HVCN1: variants seen among roughly 807,000 people sequenced by gnomAD.
HVCN1 encodes the protein hydrogen voltage gated channel 1, also known as voltage-gated hydrogen channel 1.
In HVCN1, 14 loss-of-function variants were observed where a neutral mutation model predicts 29.2. The ratio of observed to expected loss-of-function variants is 0.48; its 90% CI spans 0.32 to 0.75. HVCN1 has a LOEUF of 0.75. Ranked by LOEUF, HVCN1 falls within the 30% of genes least tolerant of loss-of-function variation. The pLI is 0.04. For missense variants in HVCN1, 263 were observed against 341.8 expected (o/e 0.77, Z 1.82); for synonymous variants, 131 against 133.2 (o/e 0.98, Z 0.11).
At chr12:110,685,945 G>A (rs563334676) in intron 2 of HVCN1, among the ~76,000 whole-genome samples, 2 of 151,796 alleles carry the variant, frequency 1.3e-5, no homozygotes, top group East Asian at 3.9e-4. Context: ...GCCTCCCATG[G>A]TGTTAGTATA....
chr12:110,668,726 G>A (rs2068458192), intron 3 of HVCN1, among the ~76,000 whole-genome samples: 1 of 152,110 alleles, frequency 6.6e-6, no homozygotes, highest in South Asian at 2.1e-4. Flanking sequence ...CACCCCCACA[G>A]CTCCATCTCC....
chr12:110,659,229 TA>T (rs1372842461), intron 4 of HVCN1, among the ~76,000 whole-genome samples: 1 of 150,440 alleles, frequency 6.6e-6, no homozygotes, highest in Non-Finnish European at 1.5e-5. Context: ...TACCCTGGAG[TA>T]AAGTCAGCAA....
chr12:110,649,242 C>A lies in HVCN1; in HGVS notation c.*168G>T. On this transcript the variant is annotated 3_prime_UTR_variant, in exon 8 of 8. Transcript: ENST00000242607. ...AGTGGATGGGCAGCTCTTGGTGGTACTGGACCTTCCACAAGGCTGTGTCCA... is the reference window on the plus strand; with the variant it reads ...AGTGGATGGGCAGCTCTTGGTGGTAATGGACCTTCCACAAGGCTGTGTCCA... 1.5e-6 allele frequency: 1 copy of A among 676,406 alleles called. No individual in the cohort carries two copies. Among genetic ancestry groups the A allele is most frequent in the Admixed American group, 2.2e-5 (1 of 44,518 alleles). The allele number at this position is 676,406 out of a possible 1,614,324, so 41.9% of individuals were successfully genotyped here. A position where few individuals can be genotyped will look rare whatever the true frequency, so the allele number is the denominator to read the frequency against.
In HVCN1 at chr12:110,648,937, A is replaced by C. The variant is rs2067629665; in HGVS notation, c.*473T>G. On this transcript the variant is annotated 3_prime_UTR_variant, in exon 8 of 8. Transcript: ENST00000242607. Reference sequence around the variant, plus strand: ...GGGCACACAGAGGAGGGGCCTGGGTACCCCTTTTGGGGAAACTGAGACGAA... The same window carrying C: ...GGGCACACAGAGGAGGGGCCTGGGTCCCCCTTTTGGGGAAACTGAGACGAA... 1 of 423,078 alleles carries C rather than the reference A, an allele frequency of 2.4e-6. No homozygotes were observed. The highest frequency in any genetic ancestry group is 3.2e-5 in the Admixed American group (1 of 30,782). 26.2% of individuals were successfully genotyped at this position (423,078 alleles called of 1,614,324 possible).
intron 3 of HVCN1, 130 bp downstream of exon 3, chr12:110,683,095 T>C (rs2069043807): frequency 1.6e-6 from 2 of 1,237,274 alleles, no homozygotes; most frequent in African/African-American, 1.5e-5. Context: ...ATCATTTTGA[T>C]TTTAAATATT....
At chr12:110,690,773 C>T (rs139506116), upstream of HVCN1, among the ~76,000 whole-genome samples, 3 of 146,576 alleles carry the variant, frequency 2.0e-5, no homozygotes, top group Admixed American at 1.4e-4. Flanking sequence ...CCACTCCACC[C>T]GGCAACAGTC....
upstream of HVCN1, among the ~76,000 whole-genome samples, chr12:110,691,841 C>T (rs948136094): frequency 6.1e-5 from 9 of 147,548 alleles, no homozygotes; most frequent in African/African-American, 2.4e-4. Flanking sequence ...CTCTGCTCCA[C>T]GGTGCAGTGG....
At chr12:110,680,862 G>A (rs1307050589) in intron 3 of HVCN1, among the ~76,000 whole-genome samples, 5 of 152,106 alleles carry the variant, frequency 3.3e-5, no homozygotes, top group Admixed American at 1.3e-4. Flanking sequence ...CCCAGGAGAC[G>A]GAGGTTGAAG....
intron 5 of HVCN1, among the ~76,000 whole-genome samples, chr12:110,652,058 T>C (rs1266345785): frequency 1.3e-5 from 2 of 152,068 alleles, no homozygotes; most frequent in East Asian, 3.9e-4. Flanking sequence ...CAATTAGGAG[T>C]GATCACCAAG....
At position 110,650,171 on chromosome 12, in the gene HVCN1, C is replaced by G. The variant is rs762524035; in HGVS notation, c.753G>C (p.Glu251Asp). Residue 251 changes from glutamate to aspartate, a missense_variant, in exon 7 of 8, where the codon GAG (glutamate) becomes GAC (aspartate). Transcript: ENST00000242607. ...KIQHLEFSCSEKEQEIERLNK... is the reference protein window; with the variant it reads ...KIQHLEFSCSDKEQEIERLNK... ...CCAGATGTGTCGTCTTTCTTACCTT[C>G]TCAGAGCAGCTGAACTCAAGGTGTT... 6.2e-7 allele frequency: 1 copy of G among 1,604,908 alleles called. No homozygotes were observed. The highest frequency in any genetic ancestry group is 1.1e-5 in the South Asian group (1 of 90,908).
chr12:110,649,335 A>AG lies in HVCN1; in HGVS notation c.*74dup. ...CAAACCTCTCACCAAGCGGCCCAGG[A>AG]GGGGCAGCTGTTCCTCTCGTGACAG... On this transcript the variant is annotated 3_prime_UTR_variant, in exon 8 of 8. Coordinates refer to ENST00000242607, the MANE Select transcript of HVCN1 (RefSeq NM_032369.4). 8.3e-7 allele frequency: 1 copy of AG among 1,209,564 alleles called. No homozygotes were observed. Among genetic ancestry groups the AG allele is most frequent in the Non-Finnish European group, 1.2e-6 (1 of 825,192 alleles). 74.9% of individuals were successfully genotyped at this position (1,209,564 alleles called of 1,614,324 possible).
In HVCN1 at chr12:110,651,422, G is replaced by A. The variant is rs554039155; in HGVS notation, c.438C>T (p.Ile146=). The change falls in exon 6 of 8, where the codon ATC becomes ATT. Residue 146 remains isoleucine, a synonymous_variant. Coordinates refer to ENST00000242607, the MANE Select transcript of HVCN1 (RefSeq NM_032369.4). ...TGATCTCCATCATAAAAAAGACCAA[G>A]ATGGTGATGCTCATGTAGTGGAATA... The part of the protein sequence containing the change: ...AMVFHYMSIT[I]LVFFMMEIIF... The A allele has an allele frequency of 2.9e-5, 46 of 1,613,438 alleles. No individual in the cohort carries two copies. The highest frequency in any genetic ancestry group is 3.9e-5 in the Non-Finnish European group (46 of 1,179,464).
At chr12:110,668,128 T>C (rs2068434144) in intron 3 of HVCN1, among the ~76,000 whole-genome samples, 1 of 152,098 alleles carries the variant, frequency 6.6e-6, no homozygotes, top group Admixed American at 6.6e-5. Flanking sequence ...TTTAGTAGTG[T>C]GGCGTACAGA....
chr12:110,682,088 A>G (rs1296494986), intron 3 of HVCN1, among the ~76,000 whole-genome samples: 5 of 152,068 alleles, frequency 3.3e-5, no homozygotes, highest in Non-Finnish European at 7.4e-5. Flanking sequence ...CCCAAGTTCA[A>G]GCGATTCTCC....
intron 3 of HVCN1, among the ~76,000 whole-genome samples, chr12:110,664,364 A>G (rs1486169419): frequency 2.0e-5 from 3 of 152,248 alleles, no homozygotes; most frequent in Non-Finnish European, 4.4e-5. Context: ...TGACTGTAAA[A>G]GAAAGATATG....
intron 5 of HVCN1, among the ~76,000 whole-genome samples, chr12:110,652,585 G>C (rs1274480509): frequency 6.6e-6 from 1 of 152,094 alleles, no homozygotes; most frequent in South Asian, 2.1e-4. Context: ...GGGACAATCT[G>C]AACATTGAAA....
At chr12:110,663,604 AAAAAAAAAAGAATAAAAAAG>A (rs1353252182) in intron 3 of HVCN1, among the ~76,000 whole-genome samples, 4 of 151,294 alleles carry the variant, frequency 2.6e-5, no homozygotes, top group East Asian at 3.9e-4. Context: ...AAAAAAAAAA[AAAAAAAAAAGAATAAAAAAG>A]AAAAAAAATT....
rs544927951 is a variant in HVCN1 at position 110,651,513 on chromosome 12, A to AT, written c.412-66dup. The AT allele has an allele frequency of 1.1e-4, 115 of 1,018,138 alleles. No homozygotes were observed. The African/African-American group carries it at 1.7e-3, about 15-fold the overall frequency. 63.1% of individuals were successfully genotyped at this position (1,018,138 alleles called of 1,614,324 possible). A position where few individuals can be genotyped will look rare whatever the true frequency, so the allele number is the denominator to read the frequency against. On this transcript the variant is annotated intron_variant, in intron 5 of 7. Transcript: ENST00000242607. ...CTCTGGGAGGTCAAGCTGCCCTCAC[A>AT]TGCACCTGCCTGGTCACCAGCAAGA... is the stretch of plus-strand genomic sequence containing the variant.
intron 1 of HVCN1, among the ~76,000 whole-genome samples, chr12:110,703,685 CCTCT>C (rs2069583165): frequency 6.6e-6 from 1 of 151,864 alleles, no homozygotes; most frequent in Admixed American, 6.6e-5. Flanking sequence ...TTTCCCCCCG[CCTCT>C]CTCTTTTTTT....
Sources: allele counts gnomAD v4.1 joint callset (sites outside exome capture counted in the v4.1 genomes callset), GRCh38; gene constraint gnomAD v4.1.1; transcripts MANE v1.5; gene names NCBI Gene and HGNC (gene_info 2026-07-23, HGNC 2026-07-21).